ZBTB20: variants seen among roughly 807,000 people sequenced by gnomAD.
ZBTB20 encodes zinc finger and BTB domain-containing protein 20.
A neutral mutation model predicts 56.9 loss-of-function variants in ZBTB20; 9 were observed. That is an observed-to-expected ratio of 0.16 (90% CI 0.10 to 0.28). The LOEUF (loss-of-function observed/expected upper bound fraction) is 0.28, where lower values mean the gene tolerates loss of function less well. ZBTB20 is among the 10% of genes least tolerant of loss of function. The pLI is 1.00. For missense variants in ZBTB20, 655 were observed against 1,003.0 expected, an observed-to-expected ratio of 0.65 and a Z score of 4.69; for synonymous variants, 417 against 420.7, an observed-to-expected ratio of 0.99 and a Z score of 0.11.
At chr3:114,669,838 A>G (rs370144051) in intron 6 of ZBTB20, among the ~76,000 whole-genome samples, 87 of 152,222 alleles carry the variant, frequency 5.7e-4, no homozygotes, top group African/African-American at 2.0e-3. Flanking sequence ...AGTCATTTTT[A>G]GCACAACATA....
intron 4 of ZBTB20, among the ~76,000 whole-genome samples, chr3:114,809,991 G>A (rs892797736): frequency 3.3e-5 from 5 of 152,310 alleles, no homozygotes; most frequent in African/African-American, 9.6e-5. Flanking sequence ...ACTTTCCCCT[G>A]TGTTAACACA....
intron 2 of ZBTB20, among the ~76,000 whole-genome samples, chr3:115,043,316 T>C (rs2081213803): frequency 6.6e-6 from 1 of 151,808 alleles, no homozygotes; most frequent in South Asian, 2.1e-4. Context: ...CCCAGCACTC[T>C]GGGAGGCCAA....
At chr3:114,434,682 T>C (rs962264179) in intron 7 of ZBTB20, among the ~76,000 whole-genome samples, 1 of 152,222 alleles carries the variant, frequency 6.6e-6, no homozygotes, top group Non-Finnish European at 1.5e-5. Flanking sequence ...TTTCTTTGAT[T>C]CAATGGTGCT....
intron 7 of ZBTB20, among the ~76,000 whole-genome samples, chr3:114,450,827 T>C (rs1456646590): frequency 6.6e-6 from 1 of 151,902 alleles, no homozygotes. Context: ...ATCGGCACAA[T>C]TCATCTGTTT....
intron 4 of ZBTB20, among the ~76,000 whole-genome samples, chr3:114,832,197 T>C (rs1317980620): frequency 6.6e-6 from 1 of 152,206 alleles, no homozygotes; most frequent in East Asian, 1.9e-4. Context: ...GCCCAGTCCA[T>C]GCTATCTTGC....
chr3:114,506,504 T>C (rs546713673), intron 6 of ZBTB20, among the ~76,000 whole-genome samples: 1 of 152,218 alleles, frequency 6.6e-6, no homozygotes, highest in African/African-American at 2.4e-5. Context: ...GTTTAATACA[T>C]TTAGGATGGT....
At chr3:114,691,864 G>A (rs541154301) in intron 6 of ZBTB20, among the ~76,000 whole-genome samples, 1 of 152,118 alleles carries the variant, frequency 6.6e-6, no homozygotes, top group East Asian at 1.9e-4. Context: ...TAATGAGCAT[G>A]TATCATTTTA....
rs761879710 is a variant in ZBTB20, at chr3:114,570,867, C to T, written c.-294-70476G>A. Among the ~76,000 whole-genome samples the T allele has an allele frequency of 1.4e-4, 21 of 151,990 alleles. 1 individual carries two copies. The highest frequency in any genetic ancestry group is 2.5e-4 in the Non-Finnish European group (17 of 67,974). ...TCAAAGTGAAAGAATAAGCTATTTG[C>T]TATCTGAATAAGTATTTCTTATTAA... On this transcript the variant is annotated intron_variant, in intron 6 of 11. Coordinates refer to ENST00000675478, the MANE Select transcript of ZBTB20 (RefSeq NM_001348800.3).
intron 3 of ZBTB20, among the ~76,000 whole-genome samples, chr3:114,911,994 AAG>A (rs1487276805): frequency 6.6e-6 from 1 of 151,874 alleles, no homozygotes; most frequent in African/African-American, 2.4e-5. Context: ...GTGAAAGACA[AAG>A]AGAGATCTTG....
intron 1 of ZBTB20, among the ~76,000 whole-genome samples, chr3:115,115,315 A>G (rs1335168290): frequency 6.6e-6 from 1 of 151,172 alleles, no homozygotes; most frequent in Non-Finnish European, 1.5e-5. Flanking sequence ...TTCTAAAACT[A>G]TGTAACTATA....
intron 5 of ZBTB20, among the ~76,000 whole-genome samples, chr3:114,779,300 T>A (rs958465291): frequency 6.6e-6 from 1 of 152,232 alleles, no homozygotes; most frequent in African/African-American, 2.4e-5. Context: ...TATTTGTTTA[T>A]GAACCCTTCC....
chr3:115,072,395 G>A (rs2082442085), intron 1 of ZBTB20, among the ~76,000 whole-genome samples: 2 of 152,068 alleles, frequency 1.3e-5, no homozygotes, highest in African/African-American at 4.8e-5. Context: ...TGTAACTGAC[G>A]GAATACTCAT....
chr3:114,581,734 TC>T (rs1260012773), intron 6 of ZBTB20, among the ~76,000 whole-genome samples: 4 of 151,350 alleles, frequency 2.6e-5, no homozygotes, highest in Non-Finnish European at 4.4e-5. Context: ...TCAATTCCGA[TC>T]AGACTGACAA....
At chr3:114,348,888 A>C (rs2080410794) in intron 11 of ZBTB20, among the ~76,000 whole-genome samples, 1 of 152,156 alleles carries the variant, frequency 6.6e-6, no homozygotes, top group African/African-American at 2.4e-5. Context: ...TCCCTGGTAA[A>C]TTATTTGTCA....
intron 5 of ZBTB20, among the ~76,000 whole-genome samples, chr3:114,769,416 T>C (rs1009373164): frequency 5.1e-4 from 77 of 151,348 alleles, no homozygotes; most frequent in African/African-American, 1.8e-3. Flanking sequence ...ATACATACTA[T>C]TCCATCATAT....
At chr3:114,654,466 T>C (rs2060289391) in intron 6 of ZBTB20, among the ~76,000 whole-genome samples, 1 of 151,016 alleles carries the variant, frequency 6.6e-6, no homozygotes, top group Admixed American at 6.6e-5. Context: ...TTTAATTAAT[T>C]ATAAACAAGA....
intron 1 of ZBTB20, among the ~76,000 whole-genome samples, chr3:115,112,554 T>G (rs1018303237): frequency 6.6e-6 from 1 of 152,222 alleles, no homozygotes; most frequent in Non-Finnish European, 1.5e-5. Flanking sequence ...GAACACGAGA[T>G]ATCTGTATTT....
At chr3:115,022,148 A>C (rs1023577869) in intron 2 of ZBTB20, among the ~76,000 whole-genome samples, 1 of 150,736 alleles carries the variant, frequency 6.6e-6, no homozygotes, top group Non-Finnish European at 1.5e-5. Flanking sequence ...TAAAAAAGAT[A>C]AATTAAGGAA....
chr3:114,945,786 G>T lies in ZBTB20; in HGVS notation c.-456+28580C>A, dbSNP rs752582828. ...AATCACCATTAATAATATGCTATTT[G>T]CAGGACACATACCTTAAAAGTAAGT... is the stretch of plus-strand genomic sequence containing the variant. On this transcript the variant is annotated intron_variant, in intron 3 of 11. Transcript: ENST00000675478. Among the ~76,000 whole-genome samples the T allele has an allele frequency of 3.4e-5, 5 of 145,058 alleles. No homozygotes were observed. In the East Asian group the frequency reaches 5.8e-4, roughly 17 times the overall value.
Sources: allele counts gnomAD v4.1 joint callset (sites outside exome capture counted in the v4.1 genomes callset), GRCh38; gene constraint gnomAD v4.1.1; transcripts MANE v1.5; gene names NCBI Gene and HGNC (gene_info 2026-07-23, HGNC 2026-07-21).